Variants in FAM120C observed in about 807,000 individuals in gnomAD.
The protein encoded by FAM120C is family with sequence similarity 120 member C, also known as constitutive coactivator of PPAR-gamma-like protein 2.
Under a neutral mutation model 71.2 loss-of-function variants are expected in FAM120C, and 14 were observed. The observed-to-expected ratio is 0.20, with a 90% CI of 0.13 to 0.31. FAM120C has a LOEUF of 0.31. Among genes scored for constraint, FAM120C ranks in the 10% least tolerant of loss-of-function variants. FAM120C has a pLI of 1.00. For synonymous variants in FAM120C, 354 were observed against 353.2 expected, an observed-to-expected ratio of 1.00 and a Z score of -0.03; for missense variants, 500 against 879.0, an observed-to-expected ratio of 0.57 and a Z score of 5.45.
chrX:54,108,644 A>G (rs1193817729), intron 10 of FAM120C, among the ~76,000 whole-genome samples: 1 of 111,668 alleles, frequency 9.0e-6, no homozygotes, highest in Non-Finnish European at 1.9e-5. Context: ...AACGTAGTAC[A>G]TAATGGCCAG....
chrX:54,130,833 T>C (rs1418799110), intron 9 of FAM120C, among the ~76,000 whole-genome samples: 3 of 111,805 alleles, frequency 2.7e-5, no homozygotes, highest in Non-Finnish European at 3.8e-5. Context: ...TCTGGTCCTT[T>C]GGCCAGAGAA....
intron 3 of FAM120C, among the ~76,000 whole-genome samples, chrX:54,153,533 G>A (rs1211154885): frequency 3.7e-5 from 4 of 106,992 alleles, no homozygotes; most frequent in Non-Finnish European, 7.7e-5. Context: ...TCAGCCTCCC[G>A]AGTAGCTAAG....
chrX:54,143,517 A>G (rs1557131990), intron 4 of FAM120C, among the ~76,000 whole-genome samples: 1 of 112,853 alleles, frequency 8.9e-6, no homozygotes, highest in African/African-American at 3.2e-5. Context: ...GCAAACTACC[A>G]TCAGAGAATA....
At chrX:54,088,411 G>A (rs1269592349) in intron 11 of FAM120C, among the ~76,000 whole-genome samples, 1 of 108,720 alleles carries the variant, frequency 9.2e-6, no homozygotes, top group Non-Finnish European at 1.9e-5. Flanking sequence ...GGCCAACATG[G>A]TGAAGCCCCG....
intron 1 of FAM120C, among the ~76,000 whole-genome samples, chrX:54,160,877 T>C (rs2067233075): frequency 9.0e-6 from 1 of 111,502 alleles, no homozygotes; most frequent in Admixed American, 9.6e-5. Flanking sequence ...CTTGATAGTT[T>C]TTTTCAACTC....
chrX:54,176,789 G>T (rs1656940446), intron 1 of FAM120C, among the ~76,000 whole-genome samples: 1 of 111,818 alleles, frequency 8.9e-6, no homozygotes. Context: ...CTCTCTCACG[G>T]CAAACATTAT....
chrX:54,094,758 A>G (rs781793640), intron 10 of FAM120C, among the ~76,000 whole-genome samples: 12 of 110,226 alleles, frequency 1.1e-4, no homozygotes, highest in African/African-American at 4.0e-4. Flanking sequence ...TTAGCTGGGC[A>G]TGGTGGTGCA....
intron 1 of FAM120C, among the ~76,000 whole-genome samples, chrX:54,162,631 A>G (rs782721033): frequency 8.9e-6 from 1 of 112,009 alleles, no homozygotes; most frequent in African/African-American, 3.2e-5. Flanking sequence ...CTGGCAAATG[A>G]GAGGGCACTA....
intron 15 of FAM120C, among the ~76,000 whole-genome samples, chrX:54,077,188 A>G (rs2066739949): frequency 9.0e-6 from 1 of 111,329 alleles, no homozygotes; most frequent in South Asian, 3.8e-4. Flanking sequence ...CTCTAGTAGT[A>G]ATGGTTAAAG....
intron 10 of FAM120C, among the ~76,000 whole-genome samples, chrX:54,108,773 T>A (rs1557125253): frequency 9.2e-6 from 1 of 108,470 alleles, no homozygotes; most frequent in Non-Finnish European, 1.9e-5. Flanking sequence ...TCTACAAAAA[T>A]ACAAAAATTA....
chrX:54,140,865 G>A (rs782706856), intron 4 of FAM120C, among the ~76,000 whole-genome samples: 1 of 105,677 alleles, frequency 9.5e-6, no homozygotes, highest in Non-Finnish European at 1.9e-5. Context: ...CCTTGAACCC[G>A]AGAGATAGGG....
At chrX:54,157,489 A>C (rs1459184871) in intron 3 of FAM120C, among the ~76,000 whole-genome samples, 200 bp downstream of exon 3, 2 of 111,872 alleles carry the variant, frequency 1.8e-5, no homozygotes, top group Non-Finnish European at 3.8e-5. Flanking sequence ...TCTTAACCTC[A>C]GGTGATCTGC....
intron 15 of FAM120C, among the ~76,000 whole-genome samples, chrX:54,074,953 T>C (rs2066727851): frequency 9.1e-6 from 1 of 110,366 alleles, no homozygotes; most frequent in Non-Finnish European, 1.9e-5. Context: ...AACTCAGGAG[T>C]TTGAGACCAG....
chrX:54,079,781 G>T (rs1439680821), intron 15 of FAM120C, among the ~76,000 whole-genome samples: 1 of 109,350 alleles, frequency 9.1e-6, no homozygotes, highest in Non-Finnish European at 1.9e-5. Context: ...TGGGCAACAA[G>T]AGCGCAACTC....
chrX:54,159,703 G>T, intron 1 of FAM120C, 87 bp from the exon 2 acceptor site: 1 of 969,851 alleles, frequency 1.0e-6, no homozygotes, highest in Non-Finnish European at 1.4e-6. Flanking sequence ...AAATTTTATA[G>T]TTTGGTGAAA....
chrX:54,136,002 T>C (rs2067092356), intron 5 of FAM120C, among the ~76,000 whole-genome samples: 1 of 107,253 alleles, frequency 9.3e-6, no homozygotes, highest in African/African-American at 3.4e-5. Flanking sequence ...GGCCCTTCTT[T>C]TTTTTTTTTT....
intron 10 of FAM120C, among the ~76,000 whole-genome samples, chrX:54,106,919 T>A (rs782173412): frequency 3.6e-5 from 4 of 111,311 alleles, no homozygotes; most frequent in Non-Finnish European, 7.5e-5. Context: ...GGAGAGGACG[T>A]GGAGAAATAG....
chrX:54,109,606 C>T (rs2066924575), intron 10 of FAM120C, among the ~76,000 whole-genome samples: 1 of 106,010 alleles, frequency 9.4e-6, no homozygotes, highest in African/African-American at 3.5e-5. Context: ...CAGAGCAAGA[C>T]CCTGGCTATA....
chrX:54,100,957 G>T (rs2066879219), intron 10 of FAM120C, among the ~76,000 whole-genome samples: 1 of 110,992 alleles, frequency 9.0e-6, no homozygotes, highest in Non-Finnish European at 1.9e-5. Flanking sequence ...ACTATGCATT[G>T]CCCTGGTTGG....
Sources: allele counts gnomAD v4.1 joint callset (sites outside exome capture counted in the v4.1 genomes callset), GRCh38; gene constraint gnomAD v4.1.1; transcripts MANE v1.5; gene names NCBI Gene and HGNC (gene_info 2026-07-23, HGNC 2026-07-21).